PJA2: variants seen among roughly 807,000 people sequenced by gnomAD.
PJA2 encodes the protein E3 ubiquitin-protein ligase Praja-2.
Under a neutral mutation model 69.3 loss-of-function variants are expected in PJA2, and 25 were observed. The ratio of observed to expected loss-of-function variants is 0.36; its 90% CI spans 0.26 to 0.50. PJA2 has a LOEUF of 0.50. Ranked by LOEUF, PJA2 falls within the 20% of genes least tolerant of loss-of-function variation. The pLI, the probability that PJA2 is intolerant of heterozygous loss-of-function variation, is 0.96. For synonymous variants in PJA2, 308 were observed against 277.8 expected (o/e 1.11, Z -1.08); for missense variants, 809 against 830.2 (o/e 0.97, Z 0.31).
chr5:109,395,385 C>T (rs373797559), intron 1 of PJA2, among the ~76,000 whole-genome samples: 2 of 152,060 alleles, frequency 1.3e-5, no homozygotes, highest in East Asian at 1.9e-4. Context: ...AAAAATTAGA[C>T]GGGCATGGTG....
chr5:109,386,252 C>T (rs1317946202), intron 1 of PJA2, among the ~76,000 whole-genome samples: 1 of 152,154 alleles, frequency 6.6e-6, no homozygotes, highest in African/African-American at 2.4e-5. Context: ...AGTGTGAACA[C>T]CAAGTGAAGA....
At chr5:109,349,040 A>T (rs1762211176) in intron 7 of PJA2, among the ~76,000 whole-genome samples, 1 of 152,214 alleles carries the variant, frequency 6.6e-6, no homozygotes, top group South Asian at 2.1e-4. Context: ...CTAGCGATGG[A>T]TACAATGCCT....
intron 7 of PJA2, among the ~76,000 whole-genome samples, chr5:109,347,335 C>T (rs1762185349): frequency 1.3e-5 from 2 of 152,222 alleles, no homozygotes; most frequent in African/African-American, 4.8e-5. Flanking sequence ...GCTGGAGAGA[C>T]ACAAGGAAAG....
At chr5:109,356,686 G>A (rs940253602) in intron 6 of PJA2, among the ~76,000 whole-genome samples, 3 of 151,868 alleles carry the variant, frequency 2.0e-5, no homozygotes, top group South Asian at 2.1e-4. Flanking sequence ...CATTACTCAC[G>A]GCTTTTTTCT....
intron 3 of PJA2, among the ~76,000 whole-genome samples, chr5:109,380,771 C>T (rs932783443): frequency 3.5e-5 from 5 of 143,242 alleles, no homozygotes; most frequent in Non-Finnish European, 7.5e-5. Flanking sequence ...CGTCACTGCA[C>T]ACCAGCCTGG....
intron 3 of PJA2, 104 bp from the exon 4 acceptor site, chr5:109,379,358 G>T: frequency 1.3e-6 from 1 of 777,152 alleles, no homozygotes; most frequent in Non-Finnish European, 2.0e-6. Context: ...ATTACTACTT[G>T]AATACATGAG....
chr5:109,399,587 G>T lies in PJA2; in HGVS notation c.-88+10255C>A, dbSNP rs538806695. Among the ~76,000 whole-genome samples, 104 of 152,298 alleles carry T rather than the reference G, an allele frequency of 6.8e-4. 1 individual carries two copies. Among genetic ancestry groups the T allele is most frequent in the Admixed American group, 2.2e-3 (33 of 15,294 alleles). ...CCAAACCCATCTCAATCACGAATTA[G>T]ATTGAATCAACCCCACACCACACTA... On this transcript the variant is annotated intron_variant, in intron 1 of 9. Transcript: ENST00000361189.
At position 109,378,749 on chromosome 5, in the gene PJA2, A is replaced by C. The variant is rs754772247; in HGVS notation, c.738T>G (p.Thr246=). The change falls in exon 4 of 10, where the codon ACT becomes ACG. Residue 246 remains threonine, a synonymous_variant. Transcript: ENST00000361189. The stretch of plus-strand genomic sequence containing the variant: ...CCTGGCTATTCTGATGGACAAACTC[A>C]GTATCACCAGCAGAACTTTTCACTA... ...VPLVKSSAGD[T]EFVHQNSQEI... 4 of 1,612,498 alleles carry C rather than the reference A, an allele frequency of 2.5e-6. No individual in the cohort carries two copies. The South Asian group carries it at 4.4e-5, about 18-fold the overall frequency.
At position 109,359,278 on chromosome 5, in the gene PJA2, T is replaced by C. The variant is rs147614250; in HGVS notation, c.1653-3252A>G. 7.0e-3 allele frequency among the ~76,000 whole-genome samples: 1,060 copies of C among 152,328 alleles called. 12 individuals carry two copies. The highest frequency in any genetic ancestry group is 0.024 in the African/African-American group (1,002 of 41,558). ...ATGTGGCAATCAACTGTTTATTTTA[T>C]TACAAGGCTTCTGGTCAACAGTGGG... On this transcript the variant is annotated intron_variant, in intron 6 of 9. Transcript: ENST00000361189.
chr5:109,378,878 C>T lies in PJA2; in HGVS notation c.609G>A (p.Glu203=). 6.2e-7 allele frequency: 1 copy of T among 1,614,134 alleles called. No individual in the cohort carries two copies. The highest frequency in any genetic ancestry group is 8.5e-7 in the Non-Finnish European group (1 of 1,180,026). ...ATGCCTCTGCCTCTCTGTTTTCCAA[C>T]TCAAATACTGTATTGCCTAATGATT... ...YQESLGNTVF[E]LENREAEAYT... Residue 203 remains glutamate, a synonymous_variant, in exon 4 of 10, where the codon GAG becomes GAA. Transcript: ENST00000361189.
chr5:109,387,619 T>G (rs1462069670), intron 1 of PJA2, among the ~76,000 whole-genome samples: 1 of 152,212 alleles, frequency 6.6e-6, no homozygotes, highest in Non-Finnish European at 1.5e-5. Flanking sequence ...TATAAACGTG[T>G]TGCTAAGAAT....
At chr5:109,340,630 C>T (rs1762028588) in intron 9 of PJA2, among the ~76,000 whole-genome samples, 1 of 128 alleles carries the variant, frequency 7.8e-3, no homozygotes. Context: ...CTCCCCCTCC[C>T]CCTCCCCCTC....
chr5:109,341,452 C>T (rs1220480384), intron 9 of PJA2, among the ~76,000 whole-genome samples: 4 of 140,386 alleles, frequency 2.8e-5, no homozygotes, highest in African/African-American at 1.1e-4. Flanking sequence ...GGCAGCTGCC[C>T]CGTCTGAGAA....
intron 5 of PJA2, among the ~76,000 whole-genome samples, chr5:109,363,977 C>T (rs978179466): frequency 4.6e-5 from 7 of 151,988 alleles, no homozygotes; most frequent in Non-Finnish European, 7.4e-5. Context: ...CATAGTGAAA[C>T]GCTGTCTCTA....
chr5:109,344,290 C>A lies in PJA2; in HGVS notation c.1901G>T (p.Cys634Phe). 1 of 1,602,826 alleles carries A rather than the reference C, an allele frequency of 6.2e-7. No individual in the cohort carries two copies. Among genetic ancestry groups the A allele is most frequent in the Non-Finnish European group, 8.5e-7 (1 of 1,175,982 alleles). The change falls in exon 9 of 10, where the codon TGT becomes TTT. Residue 634 changes from cysteine to phenylalanine, a missense_variant. Physicochemically the swap from Cys to Phe is radical, Grantham distance 205. This residue lies in a region of PJA2 where 19 missense variants were observed against 62.9 expected (regional missense o/e 0.30). Transcript: ENST00000361189. The part of the protein sequence containing the change: ...DHTAIGQEQC[C>F]PICCSEYIKD... ...AATATACTCACTGCAACAGATTGGA[C>A]AGCATTGTTCCTGACCAATAGCTGA...
At chr5:109,338,879 T>G (rs1197299238) in intron 9 of PJA2, among the ~76,000 whole-genome samples, 1 of 152,128 alleles carries the variant, frequency 6.6e-6, no homozygotes, top group African/African-American at 2.4e-5. Flanking sequence ...TAAAGAGGAA[T>G]CATCTAACAG....
intron 9 of PJA2, among the ~76,000 whole-genome samples, chr5:109,339,510 T>C (rs969115764): frequency 1.3e-5 from 2 of 152,144 alleles, no homozygotes; most frequent in South Asian, 2.1e-4. Flanking sequence ...ACTACAATAG[T>C]AGTTAAGACA....
rs189676316 is a variant in PJA2, at chr5:109,390,239, T to G, written c.-87-6719A>C. Among the ~76,000 whole-genome samples the G allele has an allele frequency of 1.6e-3, 239 of 152,156 alleles. 1 individual carries two copies. Among genetic ancestry groups the G allele is most frequent in the Non-Finnish European group, 2.0e-3 (133 of 67,882 alleles). ...GATCTACCTTTCTTTTTAGCTATTTTAGCTTCTGTCTTACATATTTGGAAG... is the reference window on the plus strand; with the variant it reads ...GATCTACCTTTCTTTTTAGCTATTTGAGCTTCTGTCTTACATATTTGGAAG... On this transcript the variant is annotated intron_variant, in intron 1 of 9. Coordinates refer to ENST00000361189, the MANE Select transcript of PJA2 (RefSeq NM_014819.5).
chr5:109,364,641 A>T (rs897791224), intron 5 of PJA2, among the ~76,000 whole-genome samples: 2 of 142,320 alleles, frequency 1.4e-5, no homozygotes, highest in African/African-American at 2.5e-5. Flanking sequence ...AAAAAAAAAA[A>T]TTTCAGTGTC....
Sources: gnomAD v4.1 joint callset for allele counts (sites outside exome capture counted in the v4.1 genomes callset) on GRCh38, gnomAD v4.1.1 for gene constraint, gnomAD v4.1.1 regional missense constraint, MANE v1.5 for transcripts, NCBI Gene and HGNC (gene_info 2026-07-23, HGNC 2026-07-21) for gene names.